The following STK39 variants were observed in gnomAD, a reference collection of about 807,000 sequenced individuals.
STK39 encodes STE20/SPS1-related proline-alanine-rich protein kinase.
In STK39, 20 loss-of-function variants were observed where a neutral mutation model predicts 77.8. That is an observed-to-expected ratio of 0.26 (90% CI 0.18 to 0.37). The LOEUF (loss-of-function observed/expected upper bound fraction) is 0.37. Among genes scored for constraint, STK39 ranks in the 10% least tolerant of loss-of-function variants. The pLI, the probability that STK39 is intolerant of heterozygous loss-of-function variation, is 1.00. For synonymous variants in STK39, 246 were observed against 234.1 expected (o/e 1.05, Z -0.47); for missense variants, 479 against 656.5 (o/e 0.73, Z 2.95).
intron 1 of STK39, among the ~76,000 whole-genome samples, chr2:168,206,789 C>T (rs1324309788): frequency 1.3e-5 from 2 of 152,158 alleles, no homozygotes; most frequent in Non-Finnish European, 2.9e-5. Flanking sequence ...ATAAGGACTT[C>T]TTAAAAGGGT....
chr2:167,981,433 T>C (rs916275320), intron 16 of STK39, among the ~76,000 whole-genome samples: 6 of 152,216 alleles, frequency 3.9e-5, no homozygotes, highest in Non-Finnish European at 8.8e-5. Context: ...TTGGATCAAG[T>C]ATAAGAAAAC....
In STK39 at chr2:168,129,580, C is replaced by T. The variant is rs1420691685; in HGVS notation, c.1050G>A (p.Leu350=). The change falls in exon 10 of 18, where the codon CTG becomes CTA. Residue 350 remains leucine (L), a synonymous_variant. Coordinates refer to ENST00000355999, the MANE Select transcript of STK39 (RefSeq NM_013233.3). The stretch of plus-strand genomic sequence containing the variant: ...GGGCTATGTCTGGTGTTCTTGTAAG[C>T]AGCTTCTCAATCAGGTACTCTCTGT... The part of the protein sequence containing the change: ...AKNREYLIEK[L]LTRTPDIAQR... The T allele has an allele frequency of 3.1e-6, 5 of 1,614,076 alleles. No individual in the cohort carries two copies. The highest frequency in any genetic ancestry group is 4.2e-6 in the Non-Finnish European group (5 of 1,179,952).
intron 8 of STK39, among the ~76,000 whole-genome samples, chr2:168,137,589 A>G (rs1223388213): frequency 6.6e-6 from 1 of 152,222 alleles, no homozygotes; most frequent in Non-Finnish European, 1.5e-5. Context: ...TTTAAGGTAA[A>G]AAATCTCCTT....
intron 14 of STK39, among the ~76,000 whole-genome samples, chr2:168,019,145 T>G (rs1684507161): frequency 6.6e-6 from 1 of 152,184 alleles, no homozygotes; most frequent in Non-Finnish European, 1.5e-5. Flanking sequence ...TAACTGTGCT[T>G]CTTTTAGGAC....
intron 4 of STK39, 35 bp from the exon 5 acceptor site, chr2:168,161,877 G>A: frequency 6.5e-7 from 1 of 1,531,608 alleles, no homozygotes. Context: ...AAATTGTAGG[G>A]TACAGACTTT....
chr2:168,247,152 C>G (rs1690940882), intron 1 of STK39, 76 bp downstream of exon 1: 1 of 1,039,764 alleles, frequency 9.6e-7, no homozygotes, highest in Non-Finnish European at 1.2e-6. Context: ...TGCAGGCTAG[C>G]CCAGCATCCC....
At chr2:168,017,499 T>C (rs1448589455) in intron 14 of STK39, among the ~76,000 whole-genome samples, 1 of 149,878 alleles carries the variant, frequency 6.7e-6, no homozygotes, top group Non-Finnish European at 1.5e-5. Context: ...GCCTCCTGAG[T>C]AGCTGGAATT....
At chr2:167,975,030 A>G (rs1683238636) in intron 16 of STK39, among the ~76,000 whole-genome samples, 2 of 152,342 alleles carry the variant, frequency 1.3e-5, no homozygotes, top group African/African-American at 4.8e-5. Flanking sequence ...TATCAGTGCT[A>G]TGTACCTAAT....
At chr2:168,011,701 T>G (rs1001384857) in intron 16 of STK39, among the ~76,000 whole-genome samples, 2 of 152,102 alleles carry the variant, frequency 1.3e-5, no homozygotes, top group East Asian at 1.9e-4. Context: ...CAGGCCTATG[T>G]TGAGCAGGCT....
intron 15 of STK39, 60 bp downstream of exon 15, chr2:168,016,983 G>A: frequency 7.5e-7 from 1 of 1,328,392 alleles, no homozygotes; most frequent in Non-Finnish European, 1.1e-6. Context: ...CCACATGCTT[G>A]TAATCAATTT....
At chr2:168,144,343 G>T (rs773072266) in intron 5 of STK39, among the ~76,000 whole-genome samples, 2 of 151,768 alleles carry the variant, frequency 1.3e-5, no homozygotes, top group Admixed American at 6.6e-5. Flanking sequence ...TCGCTCTGTC[G>T]CCCAAGGTGG....
chr2:168,214,023 T>G (rs141682929), intron 1 of STK39, among the ~76,000 whole-genome samples: 107 of 152,278 alleles, frequency 7.0e-4, no homozygotes, highest in Middle Eastern at 3.4e-3. Context: ...AGGCAGGCTC[T>G]GAAATCGCCC....
intron 16 of STK39, among the ~76,000 whole-genome samples, chr2:167,994,078 C>G (rs1380517314): frequency 6.6e-6 from 1 of 152,256 alleles, no homozygotes; most frequent in African/African-American, 2.4e-5. Flanking sequence ...CTTATACCAA[C>G]CAGTGAACAG....
rs549892329 is a variant in STK39 at position 168,247,355 on chromosome 2, G to GGCCGCC, written c.75_80dup (p.Ala26_Ala27dup). The GGCCGCC allele has an allele frequency of 1.4e-5, 14 of 1,029,074 alleles. No homozygotes were observed. Among genetic ancestry groups the GGCCGCC allele is most frequent in the East Asian group, 5.8e-5 (1 of 17,174 alleles). The allele number at this position is 1,029,074 out of a possible 1,614,324, so 63.7% of individuals were successfully genotyped here. ...CCGGCGCTGCTGTCGCGGCCGCCGG[G>GGCCGCC]GCCGCCGCCGCCGCCGCTGTCACCG... On this transcript the variant is annotated inframe_insertion, in exon 1 of 18. Coordinates refer to ENST00000355999, the MANE Select transcript of STK39 (RefSeq NM_013233.3).
At chr2:168,193,533 G>T (rs1004760098) in intron 1 of STK39, among the ~76,000 whole-genome samples, 1 of 152,176 alleles carries the variant, frequency 6.6e-6, no homozygotes, top group Non-Finnish European at 1.5e-5. Context: ...GCTAAGCCCC[G>T]GTGGAAGCAG....
intron 10 of STK39, among the ~76,000 whole-genome samples, chr2:168,092,127 C>T (rs576232719): frequency 6.0e-4 from 91 of 152,296 alleles, no homozygotes; most frequent in African/African-American, 2.1e-3. Context: ...AAACAAGCTC[C>T]GATTTAGATG....
At chr2:167,987,522 T>G (rs1025662389) in intron 16 of STK39, among the ~76,000 whole-genome samples, 30 of 152,310 alleles carry the variant, frequency 2.0e-4, no homozygotes, top group African/African-American at 7.2e-4. Flanking sequence ...TTCTCACTGA[T>G]GTATTCTGTT....
chr2:167,954,174 C>CT lies in STK39; in HGVS notation c.*1321dup, dbSNP rs545078508. The CT allele has an allele frequency of 6.6e-6, 1 of 152,496 alleles. No individual in the cohort carries two copies. Among genetic ancestry groups the CT allele is most frequent in the Non-Finnish European group, 1.5e-5 (1 of 68,024 alleles). 9.4% of individuals were successfully genotyped at this position (152,496 alleles called of 1,614,324 possible). A position where few individuals can be genotyped will look rare whatever the true frequency, so the allele number is the denominator to read the frequency against. On this transcript the variant is annotated 3_prime_UTR_variant, in exon 18 of 18. Coordinates refer to ENST00000355999, the MANE Select transcript of STK39 (RefSeq NM_013233.3). The stretch of plus-strand genomic sequence containing the variant: ...ATTATGACAAGGCAATTATAAATAA[C>CT]TTTTTTTCCTTAGTAATATATATTT...
chr2:168,031,946 C>A (rs977508264), intron 14 of STK39, among the ~76,000 whole-genome samples: 11 of 152,140 alleles, frequency 7.2e-5, no homozygotes, highest in Non-Finnish European at 1.3e-4. Flanking sequence ...CTAACTTATA[C>A]CACTCATTAT....
Sources: gnomAD v4.1 joint callset for allele counts (sites outside exome capture counted in the v4.1 genomes callset) on GRCh38, gnomAD v4.1.1 for gene constraint, MANE v1.5 for transcripts, NCBI Gene and HGNC (gene_info 2026-07-23, HGNC 2026-07-21) for gene names.